LARGE1: variants seen among roughly 807,000 people sequenced by gnomAD.
LARGE1 encodes xylosyl- and glucuronyltransferase LARGE1.
Under a neutral mutation model 87.6 loss-of-function variants are expected in LARGE1, and 43 were observed. The ratio of observed to expected loss-of-function variants is 0.49; its 90% CI spans 0.38 to 0.63. LARGE1 has a LOEUF of 0.63. Ranked by LOEUF, LARGE1 falls within the 30% of genes least tolerant of loss-of-function variation. LARGE1 has a pLI of 0.00. For synonymous variants in LARGE1, 434 were observed against 394.6 expected (o/e 1.10, Z -1.18); for missense variants, 802 against 1,000.2 (o/e 0.80, Z 2.67).
chr22:33,565,415 CT>C (rs1270037054), intron 5 of LARGE1, among the ~76,000 whole-genome samples: 8 of 152,156 alleles, frequency 5.3e-5, no homozygotes, highest in African/African-American at 1.7e-4. Context: ...CAAATTGTTC[CT>C]ATGTACGTAT....
chr22:33,568,783 A>T (rs947920300), intron 5 of LARGE1, among the ~76,000 whole-genome samples: 3 of 151,928 alleles, frequency 2.0e-5, no homozygotes, highest in East Asian at 1.9e-4. Flanking sequence ...AAAAAAAAAA[A>T]AATAAGCACA....
intron 3 of LARGE1, among the ~76,000 whole-genome samples, chr22:33,629,541 C>T (rs544946035): frequency 7.6e-4 from 116 of 152,170 alleles, no homozygotes; most frequent in Middle Eastern, 3.4e-3. Context: ...ACAGTGGCAT[C>T]GACTATGTTC....
At chr22:33,491,751 A>G (rs1186550102) in intron 6 of LARGE1, among the ~76,000 whole-genome samples, 1 of 152,238 alleles carries the variant, frequency 6.6e-6, no homozygotes, top group African/African-American at 2.4e-5. Flanking sequence ...GCTTTGGAAT[A>G]ATATGAATTT....
In LARGE1 at chr22:33,441,009, G is replaced by A. The variant is rs142443041; in HGVS notation, c.788-8744C>T. On this transcript the variant is annotated intron_variant, in intron 6 of 14. Transcript: ENST00000397394. ...GCCAAAACCAAAACTCTGGCTTGAA[G>A]TTCCTTTTTTTGTTTTTTTTTCCTA... Among the ~76,000 whole-genome samples, 468 of 147,970 alleles carry A rather than the reference G, an allele frequency of 3.2e-3. 3 individuals are homozygous for A. Among genetic ancestry groups the A allele is most frequent in the African/African-American group, 0.011 (453 of 39,574 alleles).
chr22:33,806,279 G>A (rs560774262), intron 1 of LARGE1, among the ~76,000 whole-genome samples: 14 of 152,338 alleles, frequency 9.2e-5, no homozygotes, highest in African/African-American at 3.4e-4. Context: ...CATGTGAGGT[G>A]TTGGGAGCAT....
chr22:33,365,235 G>A (rs2064543627), intron 9 of LARGE1, among the ~76,000 whole-genome samples: 1 of 151,904 alleles, frequency 6.6e-6, no homozygotes, highest in Middle Eastern at 3.2e-3. Flanking sequence ...CTCCATTTGT[G>A]ACCTATTACA....
chr22:33,847,493 A>T (rs2063468391), intron 1 of LARGE1, among the ~76,000 whole-genome samples: 1 of 152,240 alleles, frequency 6.6e-6, no homozygotes, highest in Non-Finnish European at 1.5e-5. Context: ...GATATGCTTC[A>T]CATGGTAACA....
chr22:33,396,094 C>T (rs557533426), intron 7 of LARGE1, among the ~76,000 whole-genome samples: 1 of 152,322 alleles, frequency 6.6e-6, no homozygotes, highest in South Asian at 2.1e-4. Context: ...GCTCCTTAGT[C>T]CTTCAGTGGT....
chr22:33,729,627 C>T (rs1244815021), intron 2 of LARGE1, among the ~76,000 whole-genome samples: 1 of 152,168 alleles, frequency 6.6e-6, no homozygotes, highest in Non-Finnish European at 1.5e-5. Context: ...GCCACCAATC[C>T]CTCAAAGAGC....
At chr22:33,186,270 C>A (rs1214314457) in intron 11 of LARGE1, among the ~76,000 whole-genome samples, 3 of 152,008 alleles carry the variant, frequency 2.0e-5, no homozygotes, top group East Asian at 1.9e-4. Flanking sequence ...CAAAAAATCA[C>A]CAAATGTTAG....
intron 2 of LARGE1, among the ~76,000 whole-genome samples, chr22:33,673,482 C>T (rs1029308352): frequency 6.6e-6 from 1 of 152,204 alleles, no homozygotes; most frequent in African/African-American, 2.4e-5. Context: ...AGCTTGCCAG[C>T]TGATCCCCTT....
intron 7 of LARGE1, among the ~76,000 whole-genome samples, chr22:33,408,472 G>C (rs2066183250): frequency 6.6e-6 from 1 of 152,154 alleles, no homozygotes; most frequent in Non-Finnish European, 1.5e-5. Context: ...TGTAGAGTCT[G>C]TTTCATTATC....
chr22:33,455,572 G>A (rs904660139), intron 6 of LARGE1, among the ~76,000 whole-genome samples: 1 of 151,984 alleles, frequency 6.6e-6, no homozygotes, highest in Non-Finnish European at 1.5e-5. Context: ...GGCCAACATA[G>A]TGAAACCCTG....
chr22:33,817,759 T>A (rs2086698909), intron 1 of LARGE1, among the ~76,000 whole-genome samples: 1 of 152,188 alleles, frequency 6.6e-6, no homozygotes, highest in Non-Finnish European at 1.5e-5. Context: ...CATTCAGTAG[T>A]ACACCTTCTG....
chr22:33,117,626 G>T, the LARGE1 span, among the ~76,000 whole-genome samples: 25 of 152,178 alleles, frequency 1.6e-4, no homozygotes, highest in African/African-American at 6.0e-4. Context: ...TTCTAGGAGA[G>T]TTTATAGACA....
At chr22:33,149,201 TA>T in the LARGE1 span, among the ~76,000 whole-genome samples, 1 of 119,964 alleles carries the variant, frequency 8.3e-6, no homozygotes, top group African/African-American at 2.8e-5. Context: ...CATGCCCGGC[TA>T]ATTATTTTTT....
At chr22:33,767,646 T>C (rs929150285) in intron 1 of LARGE1, among the ~76,000 whole-genome samples, 3 of 152,052 alleles carry the variant, frequency 2.0e-5, no homozygotes, top group Non-Finnish European at 4.4e-5. Context: ...CCAGAGGCTG[T>C]CTTTTAATTA....
chr22:33,231,513 G>A (rs1241001181), intron 11 of LARGE1, among the ~76,000 whole-genome samples: 3 of 152,198 alleles, frequency 2.0e-5, no homozygotes, highest in African/African-American at 4.8e-5. Context: ...AGTTAGCATA[G>A]GGTGCCATTA....
intron 7 of LARGE1, among the ~76,000 whole-genome samples, chr22:33,390,018 TG>T (rs2065460551): frequency 6.6e-6 from 1 of 152,236 alleles, no homozygotes; most frequent in African/African-American, 2.4e-5. Context: ...CCAGACCATC[TG>T]GTTCTCGCCA....
Sources: allele counts gnomAD v4.1 joint callset (sites outside exome capture counted in the v4.1 genomes callset), GRCh38; gene constraint gnomAD v4.1.1; transcripts MANE v1.5; gene names NCBI Gene and HGNC (gene_info 2026-07-23, HGNC 2026-07-21).